The following MXD1 variants were observed in gnomAD, a reference collection of about 807,000 sequenced individuals.
The protein encoded by MXD1 is MAX-binding protein.
Under a neutral mutation model 25.7 loss-of-function variants are expected in MXD1, and 9 were observed. That is an observed-to-expected ratio of 0.35 (90% confidence interval 0.21 to 0.61). MXD1 has a LOEUF of 0.61. Among genes scored for constraint, MXD1 ranks in the 20% least tolerant of loss-of-function variants. The pLI is 0.75. For missense variants in MXD1, 227 were observed against 292.4 expected (o/e 0.78, Z 1.63); for synonymous variants, 99 against 113.9 (o/e 0.87, Z 0.83).
rs1677512925 is a variant in MXD1, at chr2:69,938,458, C to T, written c.*174C>T. On this transcript the variant is annotated 3_prime_UTR_variant, in exon 6 of 6. Coordinates refer to ENST00000264444, the MANE Select transcript of MXD1 (RefSeq NM_002357.4). ...GCTTAGGATTGTGGGTTTCTGATTG[C>T]ATCCACTAGCTTCTCTTTTTCTCGC... 3.3e-6 allele frequency: 2 copies of T among 609,512 alleles called. No individual in the cohort carries two copies. Among genetic ancestry groups the T allele is most frequent in the Admixed American group, 3.1e-5 (1 of 31,868 alleles). The allele number at this position is 609,512 out of a possible 1,614,324, so 37.8% of individuals were successfully genotyped here.
intron 2 of MXD1, among the ~76,000 whole-genome samples, chr2:69,920,693 T>C (rs1173438818): frequency 1.3e-5 from 2 of 152,030 alleles, no homozygotes; most frequent in Admixed American, 6.6e-5. Context: ...AACCAGGGAG[T>C]AAACTCCTGA....
At chr2:69,919,106 G>A (rs370699120) in intron 2 of MXD1, among the ~76,000 whole-genome samples, 2 of 152,082 alleles carry the variant, frequency 1.3e-5, no homozygotes, top group East Asian at 1.9e-4. Context: ...TATGGAGTTT[G>A]TTTAAAAGTT....
Position 69,937,412 on chromosome 2 carries a change from T to A in MXD1, c.478+18T>A. On this transcript the variant is annotated intron_variant, in intron 5 of 5. Coordinates refer to ENST00000264444, the MANE Select transcript of MXD1 (RefSeq NM_002357.4). ...CGACAGGGGTGAGCCTCTCTCACTC[T>A]CCTCCCTGTCTCCCTTGTGCTCCCC... 6.3e-7 allele frequency: 1 copy of A among 1,582,900 alleles called. No individual in the cohort carries two copies. Among genetic ancestry groups the A allele is most frequent in the Non-Finnish European group, 8.6e-7 (1 of 1,164,692 alleles).
chr2:69,915,848 G>T lies in MXD1; in HGVS notation c.74-273G>T, dbSNP rs913397897. ...CTTAACCCGCACCAACCTGCTGGATGTAGCCAGTGGGAAACCCAGGCTGCG... is the reference window on the plus strand; with the variant it reads ...CTTAACCCGCACCAACCTGCTGGATTTAGCCAGTGGGAAACCCAGGCTGCG... On this transcript the variant is annotated intron_variant, in intron 1 of 5. Transcript: ENST00000264444. This position sits in a 1 kb window ranked among gnomAD's most constrained non-coding sequence, Gnocchi z 5.8. 1.3e-5 allele frequency among the ~76,000 whole-genome samples: 2 copies of T among 152,250 alleles called. No individual in the cohort carries two copies. Among genetic ancestry groups the T allele is most frequent in the African/African-American group, 4.8e-5 (2 of 41,472 alleles).
chr2:69,921,792 TGC>T lies in MXD1; in HGVS notation c.203+29_203+30del, dbSNP rs67840703. 3.2e-3 allele frequency: 5,100 copies of T among 1,610,270 alleles called. 167 individuals carry two copies. In the African/African-American group the frequency reaches 0.06, roughly 19 times the overall value. ...TGAGTTGGGGATTTGGGAGGTGGAA[TGC>T]GGGGAGCTTTGTTGCATTCTCTGTT... On this transcript the variant is annotated intron_variant, in intron 3 of 5. Coordinates refer to ENST00000264444, the MANE Select transcript of MXD1 (RefSeq NM_002357.4).
At chr2:69,937,581 A>G (rs527907129) in intron 5 of MXD1, among the ~76,000 whole-genome samples, 187 bp downstream of exon 5, 1 of 152,342 alleles carries the variant, frequency 6.6e-6, no homozygotes, top group South Asian at 2.1e-4. Context: ...TGACAACCCC[A>G]GAAGAGTTTG....
intron 3 of MXD1, among the ~76,000 whole-genome samples, chr2:69,929,210 A>C (rs1432049892): frequency 6.6e-6 from 1 of 152,210 alleles, no homozygotes; most frequent in Non-Finnish European, 1.5e-5. Context: ...TTACACTTTC[A>C]ATAAAGAGAA....
intron 3 of MXD1, among the ~76,000 whole-genome samples, chr2:69,929,389 A>G (rs144339454): frequency 8.2e-4 from 125 of 152,284 alleles, no homozygotes; most frequent in African/African-American, 2.9e-3. Context: ...TAATAATCCT[A>G]CTCTGTTGAA....
chr2:69,936,037 C>A lies in MXD1; in HGVS notation c.318+572C>A, dbSNP rs141248641. Among the ~76,000 whole-genome samples the A allele has an allele frequency of 4.6e-5, 7 of 152,228 alleles. No individual in the cohort carries two copies. In the East Asian group the frequency reaches 1.4e-3, roughly 29 times the overall value. ...CCCAATTCCCCTTTCTCCAGCCCTT[C>A]TTCCAGTCCCTGGCACTGTCATATT... On this transcript the variant is annotated intron_variant, in intron 4 of 5. Coordinates refer to ENST00000264444, the MANE Select transcript of MXD1 (RefSeq NM_002357.4).
At chr2:69,934,917 CTCCTTGACTTATGATGGGGTTATG>C (rs1295208378) in intron 3 of MXD1, among the ~76,000 whole-genome samples, 1 of 152,142 alleles carries the variant, frequency 6.6e-6, no homozygotes, top group African/African-American at 2.4e-5. Context: ...GATATATATG[CTCCTTGACTTATGATGGGGTTATG>C]TCTCAAGAAG....
intron 2 of MXD1, 96 bp downstream of exon 2, chr2:69,916,316 A>G (rs993587441): frequency 2.7e-6 from 2 of 742,810 alleles, no homozygotes; most frequent in African/African-American, 3.6e-5. Context: ...TAACCCTATA[A>G]AATTACATTG....
At chr2:69,926,714 G>T (rs1292330996) in intron 3 of MXD1, among the ~76,000 whole-genome samples, 1 of 152,066 alleles carries the variant, frequency 6.6e-6, no homozygotes, top group Non-Finnish European at 1.5e-5. Flanking sequence ...TGAATCTTTT[G>T]TTGTTACATA....
chr2:69,933,124 G>A (rs1287311756), intron 3 of MXD1, among the ~76,000 whole-genome samples: 1 of 149,952 alleles, frequency 6.7e-6, no homozygotes, highest in East Asian at 2.0e-4. Context: ...TGTTGAGCCT[G>A]GGAGGCAGAG....
chr2:69,935,600 G>A lies in MXD1; in HGVS notation c.318+135G>A. ...TGGATGAATCACAGGTACCTCAAATGCAACATATTCAAAACCCAACTGAGT... is the reference window on the plus strand; with the variant it reads ...TGGATGAATCACAGGTACCTCAAATACAACATATTCAAAACCCAACTGAGT... On this transcript the variant is annotated intron_variant, in intron 4 of 5. Transcript: ENST00000264444. 4.6e-6 allele frequency: 3 copies of A among 653,566 alleles called. No homozygotes were observed. The South Asian group carries it at 5.3e-5, about 12-fold the overall frequency. The allele number at this position is 653,566 out of a possible 1,614,324, so 40.5% of individuals were successfully genotyped here.
chr2:69,937,308 G>T lies in MXD1; in HGVS notation c.392G>T (p.Arg131Met). Residue 131 changes from arginine (R) to methionine (M), a missense_variant, in exon 5 of 6, where the codon AGG becomes ATG. By Grantham distance (91) the Arg-to-Met change is moderately conservative (BLOSUM62 -1). Coordinates refer to ENST00000264444, the MANE Select transcript of MXD1 (RefSeq NM_002357.4). ...CAGCGAGAGCAGCGACACCTGAAGA[G>T]GCAGCTGGAGAAGCTGGGCATTGAG... Reference protein sequence around the residue: ...QLQREQRHLKRQLEKLGIERI... With the variant: ...QLQREQRHLKMQLEKLGIERI... 1 of 1,614,220 alleles carries T rather than the reference G, an allele frequency of 6.2e-7. No individual in the cohort carries two copies. The highest frequency in any genetic ancestry group is 8.5e-7 in the Non-Finnish European group (1 of 1,180,040).
rs1296563494 is a variant in MXD1 at position 69,937,074 on chromosome 2, T to C, written c.319-161T>C. 5.4e-6 allele frequency: 5 copies of C among 920,638 alleles called. No individual in the cohort carries two copies. The African/African-American group carries it at 8.1e-5, about 15-fold the overall frequency. The allele number at this position is 920,638 out of a possible 1,614,324, so 57.0% of individuals were successfully genotyped here. On this transcript the variant is annotated intron_variant, in intron 4 of 5. Coordinates refer to ENST00000264444, the MANE Select transcript of MXD1 (RefSeq NM_002357.4). ...AGAGTCAGACGAAGCCAGGAGTCAC[T>C]GGCCAGTCGACTTCCTGTCTCAGGG... is the stretch of plus-strand genomic sequence containing the variant.
chr2:69,923,615 C>A (rs1172511362), intron 3 of MXD1, among the ~76,000 whole-genome samples: 1 of 151,126 alleles, frequency 6.6e-6, no homozygotes, highest in Non-Finnish European at 1.5e-5. Context: ...GCTGAGTGTG[C>A]CTCACTGCAT....
chr2:69,932,574 A>G (rs749058188), intron 3 of MXD1, among the ~76,000 whole-genome samples: 1 of 152,222 alleles, frequency 6.6e-6, no homozygotes, highest in Non-Finnish European at 1.5e-5. Context: ...AGGCCAGAAA[A>G]CACTGAATGA....
chr2:69,931,569 TTTACTC>T (rs1168930850), intron 3 of MXD1, among the ~76,000 whole-genome samples: 1 of 152,214 alleles, frequency 6.6e-6, no homozygotes, highest in African/African-American at 2.4e-5. Flanking sequence ...TCTCCAGACA[TTTACTC>T]TTAATCACTG....
Sources: allele counts gnomAD v4.1 joint callset (sites outside exome capture counted in the v4.1 genomes callset), GRCh38; gene constraint gnomAD v4.1.1; non-coding constraint Gnocchi (gnomAD v3.1); transcripts MANE v1.5; gene names NCBI Gene and HGNC (gene_info 2026-07-23, HGNC 2026-07-21).